NOTCH1: variants seen among roughly 807,000 people sequenced by gnomAD.
NOTCH1 encodes neurogenic locus notch homolog protein 1.
A neutral mutation model predicts 254.8 loss-of-function variants in NOTCH1; 37 were observed. The ratio of observed to expected loss-of-function variants is 0.15; its 90% confidence interval spans 0.11 to 0.19. NOTCH1 has a LOEUF of 0.19. Ranked by LOEUF, NOTCH1 falls within the 10% of genes least tolerant of loss-of-function variation. The pLI, the probability that NOTCH1 is intolerant of heterozygous loss-of-function variation, is 1.00. For missense variants in NOTCH1, 2,972 were observed against 3,708.6 expected (o/e 0.80, Z 5.16); for synonymous variants, 1,731 against 1,618.1 (o/e 1.07, Z -1.68).
In NOTCH1 at chr9:136,495,194, T is replaced by C. The variant is rs1842898101; in HGVS notation, c.*877A>G. 2 of 399,094 alleles carry C rather than the reference T, an allele frequency of 5.0e-6. No homozygotes were observed. The highest frequency in any genetic ancestry group is 7.1e-5 in the East Asian group (2 of 28,222). The allele number at this position is 399,094 out of a possible 1,614,324, so 24.7% of individuals were successfully genotyped here. On this transcript the variant is annotated 3_prime_UTR_variant, in exon 34 of 34. Transcript: ENST00000651671. ...CCCAGAAAAGGGTAGGATGCCTCCG[T>C]GTGTGACCCAGGCAAGTGCCACAGT...
chr9:136,515,095 A>T (rs1417495659), intron 12 of NOTCH1, among the ~76,000 whole-genome samples, 195 bp downstream of exon 12: 1 of 152,158 alleles, frequency 6.6e-6, no homozygotes, highest in Non-Finnish European at 1.5e-5. Flanking sequence ...CTGACCGGAG[A>T]CAAGAGGGGT....
intron 2 of NOTCH1, among the ~76,000 whole-genome samples, chr9:136,529,026 T>C (rs1465091298): frequency 6.6e-6 from 1 of 152,138 alleles, no homozygotes; most frequent in African/African-American, 2.4e-5. Flanking sequence ...GCTCCCACTC[T>C]GCCTGCTCCT....
At chr9:136,497,607 G>A (rs760343380) in intron 33 of NOTCH1, 49 bp from the exon 34 acceptor site, 89 of 1,481,068 alleles carry the variant, frequency 6.0e-5, no homozygotes, top group Non-Finnish European at 7.8e-5. Flanking sequence ...CCAGGCGTGG[G>A]GACCCTCCCC....
At position 136,504,794 on chromosome 9, in the gene NOTCH1, G is replaced by A. The variant is rs1247642509; in HGVS notation, c.4897C>T (p.Arg1633Cys). 7 of 1,557,828 alleles carry A rather than the reference G, an allele frequency of 4.5e-6. No individual in the cohort carries two copies. Among genetic ancestry groups the A allele is most frequent in the Non-Finnish European group, 4.3e-6 (5 of 1,151,312 alleles). Residue 1633 changes from arginine (R) to cysteine (C), a missense_variant, in exon 26 of 34, where the codon CGT (arginine) becomes TGT (cysteine). Physicochemically the swap from Arg to Cys is radical, Grantham distance 180 (BLOSUM62 -3). This residue lies in a region of NOTCH1 where 1,343 missense variants were observed against 1,557.0 expected (regional missense o/e 0.86). Coordinates refer to ENST00000651671, the MANE Select transcript of NOTCH1 (RefSeq NM_017617.5). ...GGTGCGGCCCAGCCCTCGGCGGCAC[G>A]CTTGATGGGGTGCTTGCGCAGCTCC... ...EEELRKHPIK[R>C]AAEGWAAPDA...
At chr9:136,538,647 G>C (rs1843689381) in intron 2 of NOTCH1, among the ~76,000 whole-genome samples, 1 of 152,244 alleles carries the variant, frequency 6.6e-6, no homozygotes, top group Admixed American at 6.5e-5. Flanking sequence ...GGAAAGTTCT[G>C]GATATGCCTG....
chr9:136,532,855 C>T (rs1564209172), intron 2 of NOTCH1, among the ~76,000 whole-genome samples: 1 of 152,226 alleles, frequency 6.6e-6, no homozygotes, highest in Non-Finnish European at 1.5e-5. Flanking sequence ...GGGGGAAGGT[C>T]TCGTGGGGGT....
At chr9:136,536,039 G>C (rs1389422913) in intron 2 of NOTCH1, among the ~76,000 whole-genome samples, 1 of 151,904 alleles carries the variant, frequency 6.6e-6, no homozygotes, top group African/African-American at 2.4e-5. Context: ...TACAGGGTAG[G>C]GGGGCGCACT....
intron 2 of NOTCH1, among the ~76,000 whole-genome samples, chr9:136,536,782 G>A (rs1257221941): frequency 6.6e-6 from 1 of 152,254 alleles, no homozygotes; most frequent in Admixed American, 6.5e-5. Context: ...CCTGTGGCCT[G>A]GTTCTTAAGG....
chr9:136,502,119 G>A (rs1843007158), intron 28 of NOTCH1, 31 bp from the exon 29 acceptor site: 5 of 1,611,298 alleles, frequency 3.1e-6, no homozygotes, highest in East Asian at 2.2e-5. Flanking sequence ...AAGTGAGGCT[G>A]AGCGAGCTCC....
intron 2 of NOTCH1, among the ~76,000 whole-genome samples, chr9:136,536,375 G>A (rs1181730069): frequency 1.3e-5 from 2 of 152,184 alleles, no homozygotes; most frequent in South Asian, 2.1e-4. Flanking sequence ...CCTGTCACAC[G>A]GGCCTGGATC....
At position 136,515,377 on chromosome 9, in the gene NOTCH1, C is replaced by T. The variant is rs2133362763; in HGVS notation, c.1927G>A (p.Asp643Asn). The change falls in exon 12 of 34, where the codon GAT becomes AAT. Residue 643 changes from aspartate to asparagine, a missense_variant. Physicochemically the swap from Asp to Asn is conservative, Grantham distance 23. This residue lies in a region of NOTCH1 where 1,343 missense variants were observed against 1,557.0 expected (regional missense o/e 0.86). Coordinates refer to ENST00000651671, the MANE Select transcript of NOTCH1 (RefSeq NM_017617.5). ...TTGPNCEINL[D>N]DCASSPCDSG... is the part of the protein sequence containing the mutation. ...TCGCAGGGGCTGCTGGCACAGTCAT[C>T]CAGGTTGATCTCGCAGTTGGGTCCT... 1 of 1,613,018 alleles carries T rather than the reference C, an allele frequency of 6.2e-7. No individual in the cohort carries two copies. The highest frequency in any genetic ancestry group is 1.1e-5 in the South Asian group (1 of 91,090).
chr9:136,522,254 G>A (rs1843381026), intron 4 of NOTCH1, among the ~76,000 whole-genome samples: 2 of 152,164 alleles, frequency 1.3e-5, no homozygotes, highest in Admixed American at 1.3e-4. Context: ...TGGGAGTACA[G>A]GCGTGAGCCA....
rs777968589 is a variant in NOTCH1 at position 136,500,845 on chromosome 9, C to A, written c.5641G>T (p.Gly1881Cys). The A allele has an allele frequency of 6.3e-7, 1 of 1,592,296 alleles. No individual in the cohort carries two copies. The highest frequency in any genetic ancestry group is 8.5e-7 in the Non-Finnish European group (1 of 1,177,138). Residue 1881 changes from glycine (G) to cysteine (C), a missense_variant and splice_region_variant, in exon 31 of 34, where the codon GGC (glycine) becomes TGC (cysteine). By Grantham distance (159) the Gly-to-Cys change is radical. Around this residue, in one of 8 missense-constraint regions of NOTCH1, gnomAD observed 421 missense variants for 604.4 expected, o/e 0.70. Transcript: ENST00000651671. ...GAGGCGATCATGAGCGGGGTGAAGC[C>A]ATCTGCAGAGGCAGAGACGGGTGCT... ...CMDVNVRGPD[G>C]FTPLMIASCS... is the part of the protein sequence containing the mutation.
rs1175976447 is a variant in NOTCH1, at chr9:136,496,293, C to G, written c.7446G>C (p.Leu2482=). Residue 2482 remains leucine, a synonymous_variant, in exon 34 of 34, where the codon CTG becomes CTC. Transcript: ENST00000651671. Reference sequence around the variant, plus strand: ...AGTAGCTGTGCTGCGAGGGGGGCGTCAGGAACTGGGCTGCGGTCACGGGTG... The same window carrying G: ...AGTAGCTGTGCTGCGAGGGGGGCGTGAGGAACTGGGCTGCGGTCACGGGTG... ...LVPPVTAAQF[L]TPPSQHSYSS... 3.1e-6 allele frequency: 5 copies of G among 1,597,154 alleles called. No individual in the cohort carries two copies. The highest frequency in any genetic ancestry group is 3.4e-6 in the Non-Finnish European group (4 of 1,171,116).
At chr9:136,529,005 G>A (rs1843517617) in intron 2 of NOTCH1, among the ~76,000 whole-genome samples, 1 of 152,138 alleles carries the variant, frequency 6.6e-6, no homozygotes, top group Non-Finnish European at 1.5e-5. Flanking sequence ...CTGCCCAGAG[G>A]GGAGTCTAGG....
At chr9:136,498,503 A>G (rs1446315533) in intron 33 of NOTCH1, among the ~76,000 whole-genome samples, 1 of 152,086 alleles carries the variant, frequency 6.6e-6, no homozygotes, top group Non-Finnish European at 1.5e-5. Flanking sequence ...CTGCGTCACC[A>G]CATTCCCATC....
chr9:136,510,638 C>T lies in NOTCH1; in HGVS notation c.2740+15G>A, dbSNP rs1399805738. 14 of 1,600,084 alleles carry T rather than the reference C, an allele frequency of 8.7e-6. No individual in the cohort carries two copies. The highest frequency in any genetic ancestry group is 6.8e-5 in the Admixed American group (4 of 59,254). ...AGAGCTTCCTGGAGGAGGCCAGAGC[C>T]GCGGGGCTACTCACTGGGCCGGCAG... is the stretch of plus-strand genomic sequence containing the variant. On this transcript the variant is annotated intron_variant, in intron 17 of 33. Coordinates refer to ENST00000651671, the MANE Select transcript of NOTCH1 (RefSeq NM_017617.5).
intron 2 of NOTCH1, among the ~76,000 whole-genome samples, chr9:136,539,564 T>C (rs923996804): frequency 6.6e-6 from 1 of 152,196 alleles, no homozygotes; most frequent in East Asian, 1.9e-4. Flanking sequence ...AATTTTTGTA[T>C]TTTTAGTAGA....
chr9:136,545,159 C>T lies in NOTCH1; in HGVS notation c.61+567G>A, dbSNP rs1843795320. Among the ~76,000 whole-genome samples, 1 of 151,480 alleles carries T rather than the reference C, an allele frequency of 6.6e-6. No individual in the cohort carries two copies. The highest frequency in any genetic ancestry group is 1.5e-5 in the Non-Finnish European group (1 of 67,810). On this transcript the variant is annotated intron_variant, in intron 1 of 33. Transcript: ENST00000651671. The surrounding 1 kb of genome is among the most constrained non-coding windows in gnomAD (Gnocchi z 6.8). ...GGCGGCTTCTTACGCAACCCCTCCCCCAAACTGAGAGCCGGGCTGGGGGGC... is the reference window on the plus strand; with the variant it reads ...GGCGGCTTCTTACGCAACCCCTCCCTCAAACTGAGAGCCGGGCTGGGGGGC...
Sources: gnomAD v4.1 joint callset for allele counts (sites outside exome capture counted in the v4.1 genomes callset) on GRCh38, gnomAD v4.1.1 for gene constraint, gnomAD v4.1.1 regional missense constraint, Gnocchi (gnomAD v3.1) non-coding constraint, MANE v1.5 for transcripts, NCBI Gene and HGNC (gene_info 2026-07-23, HGNC 2026-07-21) for gene names.